Variants in CNOT2 observed in about 807,000 individuals in gnomAD.
The protein encoded by CNOT2 is CC chemokine receptor 4-negative regulator of transcription 2.
A neutral mutation model predicts 72.1 loss-of-function variants in CNOT2; 7 were observed. The observed-to-expected ratio is 0.10, with a 90% CI of 0.06 to 0.18. The LOEUF (loss-of-function observed/expected upper bound fraction) is 0.18, where lower values mean the gene tolerates loss of function less well. Ranked by LOEUF, CNOT2 falls within the 10% of genes least tolerant of loss-of-function variation. The pLI is 1.00. For missense variants in CNOT2, 345 were observed against 660.3 expected (o/e 0.52, Z 5.23); for synonymous variants, 196 against 225.6 (o/e 0.87, Z 1.17).
chr12:70,346,414 G>A (rs3817487), intron 15 of CNOT2, 90 bp downstream of exon 15: 480,645 of 1,024,442 alleles, frequency 0.47, 116,895 homozygotes, highest in African/African-American at 0.7. Context: ...AATACATCCA[G>A]TTCCAGTAAT....
intron 1 of CNOT2, among the ~76,000 whole-genome samples, chr12:70,258,465 T>A (rs1958562399): frequency 6.6e-6 from 1 of 152,244 alleles, no homozygotes; most frequent in Admixed American, 6.5e-5. Flanking sequence ...TGTGGATGTA[T>A]TTGAAAATAG....
rs138587754 is a variant in CNOT2, at chr12:70,312,212, A to C, written c.171+1195A>C. 2.2e-3 allele frequency among the ~76,000 whole-genome samples: 340 copies of C among 152,020 alleles called. 3 individuals are homozygous for C. Among genetic ancestry groups the C allele is most frequent in the African/African-American group, 8.0e-3 (334 of 41,548 alleles). On this transcript the variant is annotated intron_variant, in intron 3 of 15. Coordinates refer to ENST00000229195, the MANE Select transcript of CNOT2 (RefSeq NM_014515.7). ...TTTAGCTATGTGCTATGTAACTTATAATTGAATTATTATTTACACAGGTTT... is the reference window on the plus strand; with the variant it reads ...TTTAGCTATGTGCTATGTAACTTATCATTGAATTATTATTTACACAGGTTT...
intron 6 of CNOT2, chr12:70,331,451 C>T (rs536945460): frequency 1.6e-4 from 25 of 151,778 alleles, no homozygotes; most frequent in African/African-American, 6.0e-4. Context: ...TATCTTTGTG[C>T]GTTCTCATAG....
chr12:70,259,810 T>C (rs2135731909), intron 1 of CNOT2, among the ~76,000 whole-genome samples: 1 of 152,354 alleles, frequency 6.6e-6, no homozygotes, highest in East Asian at 1.9e-4. Flanking sequence ...ATGAGACTGC[T>C]AAAACCTCTT....
At chr12:70,295,937 C>T (rs1382682707) in intron 2 of CNOT2, among the ~76,000 whole-genome samples, 2 of 152,182 alleles carry the variant, frequency 1.3e-5, no homozygotes, top group Non-Finnish European at 2.9e-5. Context: ...AGAACATATT[C>T]TCCCTAGATC....
chr12:70,259,264 AC>A (rs368641330), intron 1 of CNOT2, among the ~76,000 whole-genome samples: 11 of 151,920 alleles, frequency 7.2e-5, no homozygotes, highest in African/African-American at 2.4e-4. Context: ...TGAAATTCAG[AC>A]CGGGCTTAGT....
At chr12:70,310,080 C>T (rs1367664771) in intron 2 of CNOT2, among the ~76,000 whole-genome samples, 1 of 151,900 alleles carries the variant, frequency 6.6e-6, no homozygotes, top group Non-Finnish European at 1.5e-5. Flanking sequence ...TATAAGTAAT[C>T]TAGAGATGAT....
At chr12:70,294,338 A>G (rs1301440223) in intron 2 of CNOT2, 4 of 1,270,812 alleles carry the variant, frequency 3.1e-6, no homozygotes, top group Middle Eastern at 2.3e-4. Context: ...TGGTACTGTC[A>G]TCAGTATTTT....
At chr12:70,313,082 G>GT (rs1876744841) in intron 3 of CNOT2, among the ~76,000 whole-genome samples, 1 of 151,938 alleles carries the variant, frequency 6.6e-6, no homozygotes, top group South Asian at 2.1e-4. Flanking sequence ...TTACATTTAA[G>GT]TCTTTGCTAA....
intron 2 of CNOT2, among the ~76,000 whole-genome samples, chr12:70,308,595 C>CAG (rs754008765): frequency 4.0e-5 from 6 of 151,860 alleles, no homozygotes; most frequent in Non-Finnish European, 8.8e-5. Flanking sequence ...CACACACACA[C>CAG]ACACACACAC....
intron 2 of CNOT2, among the ~76,000 whole-genome samples, chr12:70,303,622 C>T (rs1874565863): frequency 6.6e-6 from 1 of 152,116 alleles, no homozygotes; most frequent in Admixed American, 6.5e-5. Flanking sequence ...GTGGGTAACC[C>T]GACCTTTCTC....
intron 2 of CNOT2, among the ~76,000 whole-genome samples, chr12:70,289,681 T>A (rs1489208107): frequency 6.6e-6 from 1 of 152,164 alleles, no homozygotes; most frequent in African/African-American, 2.4e-5. Context: ...ACTGTTTTTT[T>A]AAGTTTGCTA....
intron 9 of CNOT2, 35 bp from the exon 10 acceptor site, chr12:70,338,408 A>T: frequency 6.4e-7 from 1 of 1,571,856 alleles, no homozygotes; most frequent in Admixed American, 1.9e-5. Flanking sequence ...ATACTTAACA[A>T]ATTTTAATGT....
Position 70,261,305 on chromosome 12 carries a change from C to CTTTTT in CNOT2, c.-95-16804_-95-16800dup, listed in dbSNP as rs71437141. Among the ~76,000 whole-genome samples, 232 of 43,376 alleles carry CTTTTT rather than the reference C, an allele frequency of 5.3e-3. 30 individuals are homozygous for CTTTTT. The highest frequency in any genetic ancestry group is 0.042 in the East Asian group (32 of 760). The allele number at this position is 43,376 out of a possible 152,430, so 28.5% of individuals were successfully genotyped here. A position where few individuals can be genotyped will look rare whatever the true frequency, so the allele number is the denominator to read the frequency against. ...ATCTTTGTGCCTATTTTCTTTCTTT[C>CTTTTT]TTTTTTTTTTTTTTTTTTTTTTTTT... On this transcript the variant is annotated intron_variant, in intron 1 of 15. Transcript: ENST00000229195.
intron 4 of CNOT2, among the ~76,000 whole-genome samples, chr12:70,326,498 A>G (rs1879101346): frequency 6.6e-6 from 1 of 150,654 alleles, no homozygotes; most frequent in Non-Finnish European, 1.5e-5. Flanking sequence ...TCTTGGCATA[A>G]TATTTTAGAG....
At chr12:70,315,665 T>G (rs1208957274) in intron 3 of CNOT2, among the ~76,000 whole-genome samples, 1 of 152,174 alleles carries the variant, frequency 6.6e-6, no homozygotes, top group African/African-American at 2.4e-5. Context: ...TTTCTTCTAG[T>G]TGCTTCCTGG....
intron 13 of CNOT2, 27 bp from the exon 14 acceptor site, chr12:70,344,101 T>G (rs1372906047): frequency 2.6e-6 from 4 of 1,510,272 alleles, no homozygotes; most frequent in Non-Finnish European, 3.6e-6. Context: ...GTTTTATATT[T>G]CAGAATAAGT....
chr12:70,285,928 T>C (rs1870815686), intron 2 of CNOT2, among the ~76,000 whole-genome samples: 2 of 152,060 alleles, frequency 1.3e-5, no homozygotes, highest in Middle Eastern at 3.4e-3. Flanking sequence ...CTAAAGTGAT[T>C]GGAGCAGCTT....
At chr12:70,247,868 A>C (rs1957955976) in intron 1 of CNOT2, among the ~76,000 whole-genome samples, 1 of 152,206 alleles carries the variant, frequency 6.6e-6, no homozygotes, top group Admixed American at 6.5e-5. Context: ...ACAGATTGGA[A>C]AAGTGGTGGG....
Sources: allele counts gnomAD v4.1 joint callset (sites outside exome capture counted in the v4.1 genomes callset), GRCh38; gene constraint gnomAD v4.1.1; transcripts MANE v1.5; gene names NCBI Gene and HGNC (gene_info 2026-07-23, HGNC 2026-07-21).